Variants in THSD7A observed in about 807,000 individuals in gnomAD.
THSD7A encodes thrombospondin type-1 domain-containing protein 7A.
In THSD7A, 96 loss-of-function variants were observed where a neutral mutation model predicts 231.3. The observed-to-expected ratio is 0.41, with a 90% CI of 0.35 to 0.49. The LOEUF is 0.49. Among genes scored for constraint, THSD7A ranks in the 20% least tolerant of loss-of-function variants. The probability of loss-of-function intolerance (pLI) is 0.05; values close to 1 mark genes in which losing one functional copy is unlikely to be tolerated. For synonymous variants in THSD7A, 940 were observed against 743.3 expected (o/e 1.26, Z -4.30); for missense variants, 2,290 against 2,070.2 (o/e 1.11, Z -2.06).
At chr7:11,497,329 G>A (rs551294683) in intron 6 of THSD7A, among the ~76,000 whole-genome samples, 1 of 152,266 alleles carries the variant, frequency 6.6e-6, no homozygotes, top group East Asian at 1.9e-4. Flanking sequence ...TGAGGACACA[G>A]CCAAAACATA....
At chr7:11,467,058 A>G (rs150763011) in intron 9 of THSD7A, among the ~76,000 whole-genome samples, 25 of 152,106 alleles carry the variant, frequency 1.6e-4, no homozygotes, top group African/African-American at 6.0e-4. Context: ...CGCTGCGCCC[A>G]CTGGAACACA....
rs1411237389 is a variant in THSD7A at position 11,831,849 on chromosome 7, G to C, written c.98C>G (p.Pro33Arg). The change falls in exon 1 of 28, where the codon CCG becomes CGG. Residue 33 changes from proline (P) to arginine (R), a missense_variant. Physicochemically the swap from Pro to Arg is moderately radical, Grantham distance 103. Transcript: ENST00000423059. This position sits in a 1 kb window ranked among gnomAD's most constrained non-coding sequence, Gnocchi z 5.0. ...GCGTAGCAGCAGCAGCAGGAGCAGC[G>C]GCAGCGGCAGCGGCAGCGGCAGCAG... is the stretch of plus-strand genomic sequence containing the variant. ...LQLLPLPLPL[P>R]LLLLLLLRPG... The C allele has an allele frequency of 8.0e-7, 1 of 1,244,704 alleles. No homozygotes were observed. The highest frequency in any genetic ancestry group is 1.6e-5 in the African/African-American group (1 of 63,866). 77.1% of individuals were successfully genotyped at this position (1,244,704 alleles called of 1,614,324 possible).
intron 13 of THSD7A, among the ~76,000 whole-genome samples, chr7:11,441,799 G>A (rs551910654): frequency 2.4e-4 from 36 of 151,926 alleles, no homozygotes; most frequent in Non-Finnish European, 4.3e-4. Flanking sequence ...TGGACAGAAG[G>A]GAGGGGAACA....
At chr7:11,830,721 C>G (rs1357976180) in intron 1 of THSD7A, among the ~76,000 whole-genome samples, 2 of 152,160 alleles carry the variant, frequency 1.3e-5, no homozygotes, top group Non-Finnish European at 2.9e-5. Context: ...ACTGAGCTGT[C>G]TCTTCAGTAG....
At chr7:11,644,090 T>C (rs1782193775) in intron 1 of THSD7A, among the ~76,000 whole-genome samples, 1 of 152,038 alleles carries the variant, frequency 6.6e-6, no homozygotes, top group African/African-American at 2.4e-5. Flanking sequence ...TTCATTCTTT[T>C]GTGTATTGTG....
Position 11,441,829 on chromosome 7 carries a change from G to A in THSD7A, c.3064+4232C>T, listed in dbSNP as rs541739353. Reference sequence around the variant, plus strand: ...GGAACATCACACACTGGGGCCTGTCGGCAGGGGTCGGGGGCTAGGGGAGGG... The same window carrying A: ...GGAACATCACACACTGGGGCCTGTCAGCAGGGGTCGGGGGCTAGGGGAGGG... On this transcript the variant is annotated intron_variant, in intron 13 of 27. Coordinates refer to ENST00000423059, the MANE Select transcript of THSD7A (RefSeq NM_015204.3). Among the ~76,000 whole-genome samples, 5 of 151,974 alleles carry A rather than the reference G, an allele frequency of 3.3e-5. No homozygotes were observed. The South Asian group carries it at 8.3e-4, about 25-fold the overall frequency.
chr7:11,531,963 C>T (rs1185348113), intron 6 of THSD7A, among the ~76,000 whole-genome samples: 1 of 152,100 alleles, frequency 6.6e-6, no homozygotes, highest in Non-Finnish European at 1.5e-5. Flanking sequence ...TTCCACTATT[C>T]CTTGAGCCTT....
intron 11 of THSD7A, among the ~76,000 whole-genome samples, chr7:11,452,222 A>G (rs1054787864): frequency 2.0e-5 from 3 of 152,048 alleles, no homozygotes; most frequent in South Asian, 2.1e-4. Flanking sequence ...CAATAGCGAG[A>G]ATGAATCATG....
intron 4 of THSD7A, among the ~76,000 whole-genome samples, chr7:11,581,526 G>T (rs1363896122): frequency 6.6e-6 from 1 of 151,156 alleles, no homozygotes; most frequent in Non-Finnish European, 1.5e-5. Flanking sequence ...GATAAAAAGA[G>T]AGATAGGTTT....
chr7:11,644,961 C>A, intron 1 of THSD7A, among the ~76,000 whole-genome samples: 1 of 151,882 alleles, frequency 6.6e-6, no homozygotes, highest in East Asian at 1.9e-4. Flanking sequence ...GTATCAGTGA[C>A]AACTTCCTTA....
intron 2 of THSD7A, among the ~76,000 whole-genome samples, chr7:11,596,415 G>C (rs994613159): frequency 7.9e-5 from 12 of 152,084 alleles, no homozygotes; most frequent in Admixed American, 2.6e-4. Context: ...TGGGTCCAGT[G>C]GTTCCCGGGA....
chr7:11,479,021 A>G (rs1373600879), intron 7 of THSD7A, among the ~76,000 whole-genome samples: 1 of 152,236 alleles, frequency 6.6e-6, no homozygotes, highest in Admixed American at 6.5e-5. Flanking sequence ...AGATTCTCCA[A>G]GTATTTTCTT....
Position 11,373,879 on chromosome 7 carries a change from G to A in THSD7A, c.*1915C>T, listed in dbSNP as rs182142671. The A allele has an allele frequency of 6.6e-6, 1 of 152,112 alleles. No homozygotes were observed. The highest frequency in any genetic ancestry group is 1.5e-5 in the Non-Finnish European group (1 of 67,970). The allele number at this position is 152,112 out of a possible 1,614,324, so 9.4% of individuals were successfully genotyped here. A position where few individuals can be genotyped will look rare whatever the true frequency, so the allele number is the denominator to read the frequency against. ...AAAGCTAGTGTCCTCTCTCACAAAG[G>A]TTGTTGCAATAATGTTGCCTGAAAA... On this transcript the variant is annotated 3_prime_UTR_variant, in exon 28 of 28. Coordinates refer to ENST00000423059, the MANE Select transcript of THSD7A (RefSeq NM_015204.3).
intron 1 of THSD7A, among the ~76,000 whole-genome samples, chr7:11,714,401 A>G (rs1781066176): frequency 1.3e-5 from 2 of 151,182 alleles, no homozygotes. Context: ...TATTTTGTCA[A>G]TTAATCTTTA....
Position 11,384,431 on chromosome 7 carries a change from A to G in THSD7A, c.4412-1815T>C, listed in dbSNP as rs550756914. The G allele has an allele frequency of 3.3e-5, 5 of 151,946 alleles. No homozygotes were observed. In the South Asian group the frequency reaches 1.0e-3, roughly 32 times the overall value. 9.4% of individuals were successfully genotyped at this position (151,946 alleles called of 1,614,324 possible). The stretch of plus-strand genomic sequence containing the variant: ...TGTGCTTTTGGTGTCATATTTAGGA[A>G]ATCCTTCTCTACCTTGAGTTCATGA... On this transcript the variant is annotated intron_variant, in intron 23 of 27. Coordinates refer to ENST00000423059, the MANE Select transcript of THSD7A (RefSeq NM_015204.3).
At chr7:11,445,886 G>C (rs1056005462) in intron 13 of THSD7A, among the ~76,000 whole-genome samples, 175 bp downstream of exon 13, 15 of 151,984 alleles carry the variant, frequency 9.9e-5, no homozygotes, top group Non-Finnish European at 1.9e-4. Flanking sequence ...GGACAATGAG[G>C]CAATGCCATT....
intron 1 of THSD7A, among the ~76,000 whole-genome samples, chr7:11,695,015 A>T (rs1175957367): frequency 6.6e-6 from 1 of 151,564 alleles, no homozygotes; most frequent in African/African-American, 2.4e-5. Flanking sequence ...CTCAGCAATA[A>T]TCCTGCAGCC....
In THSD7A at chr7:11,521,493, TTTA is replaced by T. The variant is rs1485027554; in HGVS notation, c.1822+19923_1822+19925del. 7.4e-3 allele frequency among the ~76,000 whole-genome samples: 981 copies of T among 131,842 alleles called. 108 individuals are homozygous for T. Among genetic ancestry groups the T allele is most frequent in the Non-Finnish European group, 0.013 (805 of 62,152 alleles). The allele number at this position is 131,842 out of a possible 152,430, so 86.5% of individuals were successfully genotyped here. A position where few individuals can be genotyped will look rare whatever the true frequency, so the allele number is the denominator to read the frequency against. The stretch of plus-strand genomic sequence containing the variant: ...TTTTTTTATTTTATTTATTTATTTA[TTTA>T]TTTTTTTATTATACTCTAAGTTTTA... On this transcript the variant is annotated intron_variant, in intron 6 of 27. Transcript: ENST00000423059.
chr7:11,722,563 C>T (rs899046267), intron 1 of THSD7A, among the ~76,000 whole-genome samples: 13 of 151,860 alleles, frequency 8.6e-5, no homozygotes, highest in Admixed American at 2.6e-4. Flanking sequence ...TTCCAAACCA[C>T]TGTGATTTTA....
Sources: allele counts gnomAD v4.1 joint callset (sites outside exome capture counted in the v4.1 genomes callset), GRCh38; gene constraint gnomAD v4.1.1; non-coding constraint Gnocchi (gnomAD v3.1); transcripts MANE v1.5; gene names NCBI Gene and HGNC (gene_info 2026-07-23, HGNC 2026-07-21).